CRAT: variants seen among roughly 807,000 people sequenced by gnomAD.
CRAT encodes the protein carnitine acetylase.
In CRAT, 66 loss-of-function variants were observed where a neutral mutation model predicts 73.7. The ratio of observed to expected loss-of-function variants is 0.90; its 90% CI spans 0.73 to 1.10. CRAT has a LOEUF of 1.10. Ranked by LOEUF, CRAT falls within the 50% of genes least tolerant of loss-of-function variation. The pLI is 0.00. For synonymous variants in CRAT, 321 were observed against 343.2 expected, an observed-to-expected ratio of 0.94 and a Z score of 0.71; for missense variants, 745 against 846.9, an observed-to-expected ratio of 0.88 and a Z score of 1.49.
Position 129,100,781 on chromosome 9 carries a change from C to T in CRAT, c.806-92G>A, listed in dbSNP as rs564338549. ...CCTCCGCAGCCTCCTGCCCTGGGCT[C>T]TTCTGACCCATTTGTACCTCTCTGG... is the stretch of plus-strand genomic sequence containing the variant. On this transcript the variant is annotated intron_variant, in intron 6 of 13. Coordinates refer to ENST00000318080, the MANE Select transcript of CRAT (RefSeq NM_000755.5). 47 of 1,442,428 alleles carry T rather than the reference C, an allele frequency of 3.3e-5. No individual in the cohort carries two copies. The East Asian group carries it at 1.1e-3, about 35-fold the overall frequency. The allele number at this position is 1,442,428 out of a possible 1,614,324, so 89.4% of individuals were successfully genotyped here.
rs1206498633 is a variant in CRAT at position 129,107,768 on chromosome 9, G to A, written c.291+46C>T. 4.3e-6 allele frequency: 7 copies of A among 1,612,850 alleles called. No individual in the cohort carries two copies. Among genetic ancestry groups the A allele is most frequent in the Non-Finnish European group, 5.9e-6 (7 of 1,179,928 alleles). ...AGAGCAGTGGGCACTGGAGAACTGTGCATGTGCAGCCAGCAGCAGGTCACA... is the reference window on the plus strand; with the variant it reads ...AGAGCAGTGGGCACTGGAGAACTGTACATGTGCAGCCAGCAGCAGGTCACA... On this transcript the variant is annotated intron_variant, in intron 2 of 13. Transcript: ENST00000318080. This position sits in a 1 kb window ranked among gnomAD's most constrained non-coding sequence, Gnocchi z 5.0.
chr9:129,103,127 G>C lies in CRAT; in HGVS notation c.411-61C>G, dbSNP rs569771095. 197 of 1,425,992 alleles carry C rather than the reference G, an allele frequency of 1.4e-4. No individual in the cohort carries two copies. Among genetic ancestry groups the C allele is most frequent in the Non-Finnish European group, 1.7e-4 (173 of 1,010,602 alleles). The allele number at this position is 1,425,992 out of a possible 1,614,324, so 88.3% of individuals were successfully genotyped here. A position where few individuals can be genotyped will look rare whatever the true frequency, so the allele number is the denominator to read the frequency against. ...ACACCCTGAGGGAGGCCCCGGGCTA[G>C]GGACACCTGCTTGGGGAGCGGGAGG... On this transcript the variant is annotated intron_variant, in intron 3 of 13. Transcript: ENST00000318080. The surrounding 1 kb of genome is among the most constrained non-coding windows in gnomAD (Gnocchi z 4.6).
In CRAT at chr9:129,095,320, A is replaced by G. The variant is rs1588437817; in HGVS notation, c.*77T>C. The G allele has an allele frequency of 2.0e-6, 3 of 1,471,460 alleles. No individual in the cohort carries two copies. In the East Asian group the frequency reaches 6.8e-5, roughly 33 times the overall value. 91.2% of individuals were successfully genotyped at this position (1,471,460 alleles called of 1,614,324 possible). On this transcript the variant is annotated 3_prime_UTR_variant, in exon 14 of 14. Transcript: ENST00000318080. ...AGAGGGAACCAAGGAAGAGGGAACC[A>G]AGGAGCTGAGCCCTGGTGGGTGGCC...
At chr9:129,097,849 C>T in intron 11 of CRAT, 164 bp downstream of exon 11, 1 of 1,000,338 alleles carries the variant, frequency 1.0e-6, no homozygotes, top group Non-Finnish European at 1.5e-6. Context: ...CTCTTTGGTC[C>T]CCAGGAAGCT....
chr9:129,095,888 C>A, intron 13 of CRAT, 110 bp downstream of exon 13: 1 of 1,477,952 alleles, frequency 6.8e-7, no homozygotes, highest in South Asian at 1.2e-5. Flanking sequence ...AGCTCCTCCT[C>A]TGGAACTCAG....
Position 129,107,892 on chromosome 9 carries a change from A to C in CRAT, c.213T>G (p.Asp71Glu). 1 of 1,611,850 alleles carries C rather than the reference A, an allele frequency of 6.2e-7. No individual in the cohort carries two copies. Among genetic ancestry groups the C allele is most frequent in the Non-Finnish European group, 8.5e-7 (1 of 1,179,912 alleles). The change falls in exon 2 of 14, where the codon GAT becomes GAG. Residue 71 changes from aspartate (D) to glutamate (E), a missense_variant. Physicochemically the swap from Asp to Glu is conservative, Grantham distance 45. Transcript: ENST00000318080. The surrounding 1 kb of genome is among the most constrained non-coding windows in gnomAD (Gnocchi z 5.0). Reference sequence around the variant, plus strand: ...CTACACCTCCTGAGGCCTGAAACTCATCCACCAGCTGCTTGGTGTGGGCCC... The same window carrying C: ...CTACACCTCCTGAGGCCTGAAACTCCTCCACCAGCTGCTTGGTGTGGGCCC... ...EEWAHTKQLV[D>E]EFQASGGVGE... is the part of the protein sequence containing the mutation.
At chr9:129,108,392 G>A in intron 1 of CRAT, 1 of 1,206,374 alleles carries the variant, frequency 8.3e-7, no homozygotes, top group Non-Finnish European at 1.0e-6. Context: ...GGTTGCACAG[G>A]CCCCTCCTTT....
Position 129,105,141 on chromosome 9 carries a change from G to A in CRAT, c.292-835C>T, listed in dbSNP as rs537179192. Among the ~76,000 whole-genome samples the A allele has an allele frequency of 1.4e-3, 195 of 140,122 alleles. No homozygotes were observed. The Middle Eastern group carries it at 0.026, about 18-fold the overall frequency. The allele number at this position is 140,122 out of a possible 152,430, so 91.9% of individuals were successfully genotyped here. A position where few individuals can be genotyped will look rare whatever the true frequency, so the allele number is the denominator to read the frequency against. ...AGGATGGTCTCGATCTCCTGACCTC[G>A]TGATCCTCCCGCCTCGGCCTCCCAA... On this transcript the variant is annotated intron_variant, in intron 2 of 13. Coordinates refer to ENST00000318080, the MANE Select transcript of CRAT (RefSeq NM_000755.5).
chr9:129,097,795 C>A (rs1847376238), intron 11 of CRAT: 1 of 633,806 alleles, frequency 1.6e-6, no homozygotes, highest in South Asian at 2.2e-5. Flanking sequence ...CAGTTGCTTA[C>A]TGCCAATGAA....
chr9:129,099,735 T>C (rs1847538615), intron 8 of CRAT, 131 bp downstream of exon 8: 2 of 673,280 alleles, frequency 3.0e-6, no homozygotes, highest in African/African-American at 1.9e-5. Flanking sequence ...CATATCTGGC[T>C]GGCTTCCTTG....
rs1389222640 is a variant in CRAT at position 129,110,490 on chromosome 9, C to T, written c.20G>A (p.Arg7Lys). Residue 7 changes from arginine (R) to lysine (K), a missense_variant, in exon 1 of 14, where the codon AGG (arginine) becomes AAG (lysine). Arg to Lys is a conservative substitution (Grantham distance 26). Transcript: ENST00000318080. This position sits in a 1 kb window ranked among gnomAD's most constrained non-coding sequence, Gnocchi z 5.3. The part of the protein sequence containing the change: MLAFAA[R>K]TVVKPLGFLK... ...GGGATCCGCCGCACTCACCACGGTC[C>T]TGGCAGCGAAGGCTAACATCTTCGC... The T allele has an allele frequency of 6.3e-7, 1 of 1,583,958 alleles. No homozygotes were observed.
rs547280982 is a variant in CRAT at position 129,097,288 on chromosome 9, G to A, written c.1489C>T (p.Arg497Trp). 25 of 1,490,666 alleles carry A rather than the reference G, an allele frequency of 1.7e-5. 1 individual carries two copies. The highest frequency in any genetic ancestry group is 3.5e-4 in the Middle Eastern group (2 of 5,660). The allele number at this position is 1,490,666 out of a possible 1,614,324, so 92.3% of individuals were successfully genotyped here. A position where few individuals can be genotyped will look rare whatever the true frequency, so the allele number is the denominator to read the frequency against. Residue 497 changes from arginine to tryptophan, a missense_variant, in exon 12 of 14, where the codon CGG becomes TGG. Transcript: ENST00000318080. ...VTEHQKVELL[R>W]KAVQAHRGYT... Reference sequence around the variant, plus strand: ...CCTCGGTGGGCCTGCACGGCCTTCCGCAGCAGCTCCACCTTCTGGTGCTCC... The same window carrying A: ...CCTCGGTGGGCCTGCACGGCCTTCCACAGCAGCTCCACCTTCTGGTGCTCC...
rs772964815 is a variant in CRAT, at chr9:129,099,914, G to A, written c.1037C>T (p.Ala346Val). 3.3e-5 allele frequency: 54 copies of A among 1,613,394 alleles called. No individual in the cohort carries two copies. In the Middle Eastern group the frequency reaches 1.2e-3, roughly 34 times the overall value. ...AAGGGTGACAATAGGGGGCCCCTCC[G>A]CTGCAGCATGCTCGTACACAAGCCC... ...SCGLVYEHAA[A>V]EGPPIVTLLD... is the part of the protein sequence containing the mutation. The change falls in exon 8 of 14, where the codon GCG becomes GTG. Residue 346 changes from alanine (A) to valine (V), a missense_variant. Ala to Val is a moderately conservative substitution (Grantham distance 64, BLOSUM62 0). Transcript: ENST00000318080.
rs113010361 is a variant in CRAT, at chr9:129,106,420, C to T, written c.291+1394G>A. 6.1e-4 allele frequency among the ~76,000 whole-genome samples: 93 copies of T among 152,288 alleles called. No homozygotes were observed. The highest frequency in any genetic ancestry group is 2.2e-3 in the African/African-American group (91 of 41,552). ...GGGATCCCAGAGCCTCTGGCCAAAG[C>T]TTGGGAGACCAGAGGAGACCCCGCA... is the stretch of plus-strand genomic sequence containing the variant. On this transcript the variant is annotated intron_variant, in intron 2 of 13. Coordinates refer to ENST00000318080, the MANE Select transcript of CRAT (RefSeq NM_000755.5). This position sits in a 1 kb window ranked among gnomAD's most constrained non-coding sequence, Gnocchi z 4.0.
Position 129,102,423 on chromosome 9 carries a change from T to C in CRAT, c.607A>G (p.Ile203Val). Residue 203 changes from isoleucine to valine, a missense_variant, in exon 5 of 14, where the codon ATC becomes GTC. Transcript: ENST00000318080. ...ACCTGGTAGTTGTGTACCACGGTGA[T>C]GTGCGTGGGAGGCTTCTTGGTCTTG... ...FSKTKKPPTH[I>V]TVVHNYQFFE... The C allele has an allele frequency of 6.2e-7, 1 of 1,614,154 alleles. No individual in the cohort carries two copies. Among genetic ancestry groups the C allele is most frequent in the Non-Finnish European group, 8.5e-7 (1 of 1,180,002 alleles).
chr9:129,097,350 C>T (rs1487105432), intron 11 of CRAT, 38 bp from the exon 12 acceptor site: 1 of 1,515,262 alleles, frequency 6.6e-7, no homozygotes, highest in South Asian at 1.2e-5. Flanking sequence ...GAAGCACTGT[C>T]CCTTCTCTTC....
Position 129,101,962 on chromosome 9 carries a change from C to T in CRAT, c.726G>A (p.Gln242=). ...QLEKIWNSSL[Q]TNKEPVGILT... is the part of the protein sequence containing the mutation. ...GGATGCCCACAGGCTCCTTGTTGGT[C>T]TGTAGGGATGAGTTCCAGATCTTCT... Residue 242 remains glutamine (Q), a synonymous_variant, in exon 6 of 14, where the codon CAG becomes CAA. Transcript: ENST00000318080. 5 of 1,614,176 alleles carry T rather than the reference C, an allele frequency of 3.1e-6. No individual in the cohort carries two copies. Among genetic ancestry groups the T allele is most frequent in the Non-Finnish European group, 4.2e-6 (5 of 1,180,026 alleles).
At chr9:129,101,833 C>A (rs199889799) in intron 6 of CRAT, 50 bp downstream of exon 6, 8 of 1,582,204 alleles carry the variant, frequency 5.1e-6, no homozygotes, top group Non-Finnish European at 6.9e-6. Flanking sequence ...TGGTCCCCAA[C>A]AGGGGAAGAG....
At chr9:129,108,796 A>G (rs1416587395) in intron 1 of CRAT, 1 of 1,304,164 alleles carries the variant, frequency 7.7e-7, no homozygotes, top group Non-Finnish European at 1.0e-6. Context: ...CCTCCATGGC[A>G]GGACTGAGGT....
Sources: allele counts gnomAD v4.1 joint callset (sites outside exome capture counted in the v4.1 genomes callset), GRCh38; gene constraint gnomAD v4.1.1; non-coding constraint Gnocchi (gnomAD v3.1); transcripts MANE v1.5; gene names NCBI Gene and HGNC (gene_info 2026-07-23, HGNC 2026-07-21).